COG1: variants seen among roughly 807,000 people sequenced by gnomAD.
COG1 encodes the protein conserved oligomeric Golgi complex subunit 1.
A neutral mutation model predicts 102.2 loss-of-function variants in COG1; 61 were observed. That is an observed-to-expected ratio of 0.60 (90% confidence interval 0.49 to 0.74). COG1 has a LOEUF of 0.74. Ranked by LOEUF, COG1 falls within the 30% of genes least tolerant of loss-of-function variation. COG1 has a pLI of 0.00. For synonymous variants in COG1, 454 were observed against 493.6 expected (o/e 0.92, Z 1.06); for missense variants, 1,164 against 1,232.1 (o/e 0.94, Z 0.83).
chr17:73,198,683 G>A (rs145519069), intron 4 of COG1, among the ~76,000 whole-genome samples: 3,327 of 152,314 alleles, frequency 0.022, 46 homozygotes, highest in Non-Finnish European at 0.032. Flanking sequence ...AGAACAGATC[G>A]CTGGGAGGTC....
Position 73,205,611 on chromosome 17 carries a change from G to C in COG1, c.2441G>C (p.Arg814Pro). ...GCGCTGCAGCTGCTTTATGATCTGC[G>C]TTACCTCAACATTGTTCTGACAGCC... Reference protein sequence around the residue: ...NRALQLLYDLRYLNIVLTAKG... With the variant: ...NRALQLLYDLPYLNIVLTAKG... Residue 814 changes from arginine to proline, a missense_variant, in exon 10 of 14, where the codon CGT becomes CCT. Coordinates refer to ENST00000299886, the MANE Select transcript of COG1 (RefSeq NM_018714.3). 2 of 1,614,100 alleles carry C rather than the reference G, an allele frequency of 1.2e-6. No individual in the cohort carries two copies. The highest frequency in any genetic ancestry group is 1.1e-5 in the South Asian group (1 of 91,080).
chr17:73,200,017 C>A lies in COG1; in HGVS notation c.1066C>A (p.His356Asn). 6.2e-7 allele frequency: 1 copy of A among 1,611,296 alleles called. No individual in the cohort carries two copies. The highest frequency in any genetic ancestry group is 1.1e-5 in the South Asian group (1 of 90,394). ...GAAAGACACGCTGCAGAAATGGATC[C>A]ACATGTAAGTAACCAGAAAGAGCTT... ...YLKDTLQKWI[H>N]MCNEDIKNGI... Residue 356 changes from histidine (H) to asparagine (N), a missense_variant, in exon 5 of 14, where the codon CAC becomes AAC. By Grantham distance (68) the His-to-Asn change is moderately conservative (BLOSUM62 1). Transcript: ENST00000299886.
At chr17:73,193,422 G>T (rs1398488931) in intron 1 of COG1, 38 bp downstream of exon 1, 19 of 1,387,416 alleles carry the variant, frequency 1.4e-5, no homozygotes, top group Non-Finnish European at 1.7e-5. Context: ...CCCGCAGGCG[G>T]GTCCCGGAGC....
rs757071307 is a variant in COG1 at position 73,206,125 on chromosome 17, G to T, written c.2511-29G>T. On this transcript the variant is annotated intron_variant, in intron 10 of 13. Transcript: ENST00000299886. ...ATTGTTTTTGATCCTAAAAAATGTG[G>T]ACAGTAATGATCCTAATCCTTTTCT... The T allele has an allele frequency of 3.3e-6, 5 of 1,511,034 alleles. No homozygotes were observed. The African/African-American group carries it at 5.5e-5, about 17-fold the overall frequency. 93.6% of individuals were successfully genotyped at this position (1,511,034 alleles called of 1,614,324 possible). A position where few individuals can be genotyped will look rare whatever the true frequency, so the allele number is the denominator to read the frequency against.
intron 7 of COG1, among the ~76,000 whole-genome samples, chr17:73,202,217 T>C (rs9891286): frequency 0.013 from 1,906 of 152,206 alleles, 34 homozygotes; most frequent in African/African-American, 0.042. Context: ...TGGGCGCCTG[T>C]AGTCCCAGCT....
chr17:73,207,625 T>C, intron 13 of COG1: 2 of 1,111,730 alleles, frequency 1.8e-6, no homozygotes, highest in Non-Finnish European at 1.2e-6. Context: ...TCTTCCCTTT[T>C]AGTTGGGTGG....
intron 12 of COG1, 35 bp from the exon 13 acceptor site, chr17:73,207,146 T>C: frequency 6.4e-7 from 1 of 1,564,334 alleles, no homozygotes; most frequent in Non-Finnish European, 8.8e-7. Context: ...GAGCTGCCTG[T>C]TTGTGCTACT....
intron 7 of COG1, 154 bp from the exon 8 acceptor site, chr17:73,202,846 G>A (rs896886157): frequency 5.0e-6 from 4 of 800,850 alleles, no homozygotes; most frequent in Non-Finnish European, 8.6e-6. Context: ...TCCCATGGCT[G>A]ATATCATTGA....
intron 4 of COG1, among the ~76,000 whole-genome samples, chr17:73,197,904 C>G (rs1156350212): frequency 6.6e-6 from 1 of 152,184 alleles, no homozygotes; most frequent in Admixed American, 6.5e-5. Flanking sequence ...GCCTTGTGAG[C>G]GAGGCTAGGG....
Position 73,203,753 on chromosome 17 carries a change from T to A in COG1, c.2342T>A (p.Val781Glu), listed in dbSNP as rs2061356709. ...CTGAAAAGCTGTATGGTTCAAGTAGTAGCTGCCTATGAGAAACTCTCCGAA... is the reference window on the plus strand; with the variant it reads ...CTGAAAAGCTGTATGGTTCAAGTAGAAGCTGCCTATGAGAAACTCTCCGAA... ...EMLKSCMVQV[V>E]AAYEKLSEEK... Residue 781 changes from valine (V) to glutamate (E), a missense_variant, in exon 9 of 14, where the codon GTA becomes GAA. Physicochemically the swap from Val to Glu is moderately radical, Grantham distance 121. Transcript: ENST00000299886. 1.2e-6 allele frequency: 2 copies of A among 1,614,096 alleles called. No individual in the cohort carries two copies. The highest frequency in any genetic ancestry group is 2.7e-5 in the African/African-American group (2 of 74,940).
Position 73,203,142 on chromosome 17 carries a change from C to T in COG1, c.2216C>T (p.Ala739Val), listed in dbSNP as rs1229193421. The T allele has an allele frequency of 3.1e-6, 5 of 1,613,996 alleles. No individual in the cohort carries two copies. Among genetic ancestry groups the T allele is most frequent in the Non-Finnish European group, 4.2e-6 (5 of 1,180,018 alleles). The change falls in exon 8 of 14, where the codon GCA (alanine) becomes GTA (valine). Residue 739 changes from alanine (A) to valine (V), a missense_variant. Transcript: ENST00000299886. ...GTCACATCCAAGATCCGACTCCCTG[C>T]ACAGGTGAGCAGGGACCATGGGCTG... ...SSVTSKIRLPAQPSWYVQSFL... is the reference protein window; with the variant it reads ...SSVTSKIRLPVQPSWYVQSFL...
chr17:73,205,816 TGCC>T, intron 10 of COG1, 136 bp downstream of exon 10: 2 of 1,209,470 alleles, frequency 1.7e-6, no homozygotes, highest in Admixed American at 3.5e-5. Flanking sequence ...GTGCTCATAT[TGCC>T]AGCAAGTTAA....
chr17:73,207,676 T>C (rs2145109848), intron 13 of COG1: 1 of 1,294,736 alleles, frequency 7.7e-7, no homozygotes, highest in East Asian at 5.5e-5. Flanking sequence ...TTTGACATTT[T>C]CTTGTTAATA....
chr17:73,198,343 C>T (rs951396909), intron 4 of COG1, among the ~76,000 whole-genome samples: 4 of 152,180 alleles, frequency 2.6e-5, no homozygotes, highest in Admixed American at 2.6e-4. Context: ...TGGCTCACAT[C>T]TGTAATCCCA....
rs761810855 is a variant in COG1 at position 73,193,182 on chromosome 17, G to T, written c.113G>T (p.Arg38Leu). The T allele has an allele frequency of 6.8e-6, 11 of 1,607,946 alleles. No homozygotes were observed. In the East Asian group the frequency reaches 2.5e-4, roughly 36 times the overall value. ...EEIRGLERQVRAEIEHKKEEL... is the reference protein window; with the variant it reads ...EEIRGLERQVLAEIEHKKEEL... ...ATCCGCGGGCTGGAGCGCCAGGTTC[G>T]GGCCGAGATCGAGCACAAGAAGGAG... is the stretch of plus-strand genomic sequence containing the variant. The change falls in exon 1 of 14, where the codon CGG becomes CTG. Residue 38 changes from arginine to leucine, a missense_variant. Physicochemically the swap from Arg to Leu is moderately radical, Grantham distance 102 (BLOSUM62 -2). Transcript: ENST00000299886.
At chr17:73,198,746 G>A (rs979749018) in intron 4 of COG1, among the ~76,000 whole-genome samples, 3 of 152,176 alleles carry the variant, frequency 2.0e-5, no homozygotes, top group Admixed American at 6.5e-5. Context: ...TTCAAGCTGT[G>A]GGAATGGATG....
At chr17:73,207,896 G>A in intron 13 of COG1, 2 of 1,180,846 alleles carry the variant, frequency 1.7e-6, no homozygotes, top group Non-Finnish European at 2.1e-6. Flanking sequence ...TAAAATCCTT[G>A]TCAAGTATCT....
rs1032396480 is a variant in COG1, at chr17:73,193,383, A to G, written c.314A>G (p.Gln105Arg). 2 of 1,469,710 alleles carry G rather than the reference A, an allele frequency of 1.4e-6. No individual in the cohort carries two copies. The highest frequency in any genetic ancestry group is 1.8e-6 in the Non-Finnish European group (2 of 1,117,348). The allele number at this position is 1,469,710 out of a possible 1,614,324, so 91.0% of individuals were successfully genotyped here. The change falls in exon 1 of 14, where the codon CAG (glutamine) becomes CGG (arginine). Residue 105 changes from glutamine to arginine, a missense_variant and splice_region_variant. Transcript: ENST00000299886. ...GCGCCCCGGCCACCGCGGGCCCAGCAGGTCAGTCCCCGTGCCCCCACCCTG... is the reference window on the plus strand; with the variant it reads ...GCGCCCCGGCCACCGCGGGCCCAGCGGGTCAGTCCCCGTGCCCCCACCCTG... ...SAAPRPPRAQ[Q>R]PQQPSQEKFY...
intron 1 of COG1, 120 bp downstream of exon 1, chr17:73,193,504 C>A: frequency 9.9e-7 from 1 of 1,014,758 alleles, no homozygotes; most frequent in East Asian, 3.1e-5. Context: ...CTTCCTTAGC[C>A]AGGAGCCTAT....
Sources: gnomAD v4.1 joint callset for allele counts (sites outside exome capture counted in the v4.1 genomes callset) on GRCh38, gnomAD v4.1.1 for gene constraint, MANE v1.5 for transcripts, NCBI Gene and HGNC (gene_info 2026-07-23, HGNC 2026-07-21) for gene names.